The following PAG1 variants were observed in gnomAD, a reference collection of about 807,000 sequenced individuals.
The protein encoded by PAG1 is phosphoprotein associated with glycosphingolipid-enriched microdomains 1.
PAG1 carries 23 observed loss-of-function variants against 31.7 expected under a neutral mutation model. That is an observed-to-expected ratio of 0.73 (90% CI 0.52 to 1.03). The LOEUF is 1.03. Among genes scored for constraint, PAG1 ranks in the 50% least tolerant of loss-of-function variants. The probability of loss-of-function intolerance (pLI) is 0.00; values close to 1 mark genes in which losing one functional copy is unlikely to be tolerated. For synonymous variants in PAG1, 214 were observed against 210.3 expected, an observed-to-expected ratio of 1.02 and a Z score of -0.15; for missense variants, 473 against 540.7, an observed-to-expected ratio of 0.87 and a Z score of 1.24.
chr8:80,968,280 T>C lies in PAG1; in HGVS notation c.*8264A>G, dbSNP rs1807004246. 1 of 152,244 alleles carries C rather than the reference T, an allele frequency of 6.6e-6. No homozygotes were observed. 9.4% of individuals were successfully genotyped at this position (152,244 alleles called of 1,614,324 possible). On this transcript the variant is annotated 3_prime_UTR_variant, in exon 9 of 9. Coordinates refer to ENST00000220597, the MANE Select transcript of PAG1 (RefSeq NM_018440.4). ...TTCGTTTGTCCCCATAACATCTCTA[T>C]GAGGTAGGCAATGGTTAGTATCATT...
intron 3 of PAG1, among the ~76,000 whole-genome samples, chr8:81,001,074 C>T (rs1176504367): frequency 6.6e-6 from 1 of 152,238 alleles, no homozygotes; most frequent in African/African-American, 2.4e-5. Context: ...CAAATCTAAG[C>T]ATCCTATGAG....
intron 2 of PAG1, among the ~76,000 whole-genome samples, chr8:81,031,595 A>C (rs1320609392): frequency 2.0e-5 from 3 of 152,256 alleles, no homozygotes; most frequent in Non-Finnish European, 4.4e-5. Context: ...TGCAATTAAA[A>C]GGTAAAATTT....
At chr8:81,007,467 C>A (rs1415751146) in intron 3 of PAG1, among the ~76,000 whole-genome samples, 4 of 128,534 alleles carry the variant, frequency 3.1e-5, no homozygotes, top group South Asian at 2.6e-4. Context: ...TACAAAAATA[C>A]AAAAAAAAAA....
intron 1 of PAG1, among the ~76,000 whole-genome samples, chr8:81,109,414 G>C (rs1255639380): frequency 2.0e-5 from 3 of 152,170 alleles, no homozygotes; most frequent in Non-Finnish European, 4.4e-5. Context: ...TGATCTCACT[G>C]AGCTCCCATT....
intron 1 of PAG1, among the ~76,000 whole-genome samples, chr8:81,074,088 CT>C (rs1044910847): frequency 1.3e-5 from 2 of 152,188 alleles, no homozygotes; most frequent in African/African-American, 4.8e-5. Flanking sequence ...AGATTATTAG[CT>C]GAGAATGAGG....
Position 80,971,534 on chromosome 8 carries a change from C to T in PAG1, c.*5010G>A, listed in dbSNP as rs576254633. On this transcript the variant is annotated 3_prime_UTR_variant, in exon 9 of 9. Transcript: ENST00000220597. The stretch of plus-strand genomic sequence containing the variant: ...ACATCTGAGAAATGACAATTATCAA[C>T]CTTTGTAATACATGATTACGCAAGG... 4.6e-5 allele frequency: 7 copies of T among 152,254 alleles called. No homozygotes were observed. The highest frequency in any genetic ancestry group is 1.3e-4 in the Admixed American group (2 of 15,292). 9.4% of individuals were successfully genotyped at this position (152,254 alleles called of 1,614,324 possible). A position where few individuals can be genotyped will look rare whatever the true frequency, so the allele number is the denominator to read the frequency against.
chr8:81,073,198 T>G (rs1365583671), intron 1 of PAG1, among the ~76,000 whole-genome samples: 1 of 152,172 alleles, frequency 6.6e-6, no homozygotes. Context: ...TATATCTCTT[T>G]TCCTCAAACC....
chr8:80,988,057 A>G (rs1807462964), intron 5 of PAG1, among the ~76,000 whole-genome samples: 1 of 152,212 alleles, frequency 6.6e-6, no homozygotes, highest in Admixed American at 6.5e-5. Context: ...AGCACTGCAG[A>G]AAGTTCTATT....
intron 3 of PAG1, among the ~76,000 whole-genome samples, chr8:81,003,279 C>T (rs988807741): frequency 2.0e-5 from 3 of 152,114 alleles, no homozygotes; most frequent in African/African-American, 4.8e-5. Flanking sequence ...AAGTCTGGAG[C>T]GGGGCTCAAG....
chr8:81,065,942 T>C (rs1380104095), intron 2 of PAG1, among the ~76,000 whole-genome samples: 1 of 152,142 alleles, frequency 6.6e-6, no homozygotes, highest in African/African-American at 2.4e-5. Context: ...CAGAGAGCTG[T>C]TACATGTACT....
At position 80,993,210 on chromosome 8, in the gene PAG1, G is replaced by A; in HGVS notation, c.18C>T (p.Ser6=). 2 of 1,609,656 alleles carry A rather than the reference G, an allele frequency of 1.2e-6. No individual in the cohort carries two copies. ...TCTGCATCTGTCCGCTGCCCAGCAG[G>A]CTCCCCGCGGGCCCCATGGCAGGAG... MGPAG[S]LLGSGQMQIT... The change falls in exon 4 of 9, where the codon AGC becomes AGT. Residue 6 remains serine (S), a synonymous_variant. Transcript: ENST00000220597.
At chr8:81,083,791 T>C (rs949726262) in intron 1 of PAG1, among the ~76,000 whole-genome samples, 4 of 152,118 alleles carry the variant, frequency 2.6e-5, no homozygotes, top group Admixed American at 6.5e-5. Context: ...TCCCAGCACT[T>C]TGGGAGGCTG....
At chr8:80,988,607 T>C (rs1298577735) in intron 5 of PAG1, among the ~76,000 whole-genome samples, 1 of 152,098 alleles carries the variant, frequency 6.6e-6, no homozygotes, top group Non-Finnish European at 1.5e-5. Flanking sequence ...ACTACAGGTA[T>C]GCACCACTAT....
In PAG1 at chr8:80,973,431, C is replaced by T. The variant is rs1348768233; in HGVS notation, c.*3113G>A. The T allele has an allele frequency of 6.6e-6, 1 of 152,114 alleles. No individual in the cohort carries two copies. The highest frequency in any genetic ancestry group is 1.5e-5 in the Non-Finnish European group (1 of 68,010). The allele number at this position is 152,114 out of a possible 1,614,324, so 9.4% of individuals were successfully genotyped here. ...AGGTTACCCTTTCCTGCTGACTATA[C>T]TTAAGAAATACCAAAGTAGCATACA... On this transcript the variant is annotated 3_prime_UTR_variant, in exon 9 of 9. Transcript: ENST00000220597.
chr8:81,104,225 A>G (rs903066226), intron 1 of PAG1, among the ~76,000 whole-genome samples: 1 of 152,048 alleles, frequency 6.6e-6, no homozygotes, highest in African/African-American at 2.4e-5. Flanking sequence ...TTTTATTTCA[A>G]TTTCATTTCT....
intron 6 of PAG1, among the ~76,000 whole-genome samples, chr8:80,986,106 G>C (rs1326585549): frequency 6.6e-6 from 1 of 152,224 alleles, no homozygotes; most frequent in African/African-American, 2.4e-5. Flanking sequence ...CAATGAAACA[G>C]AAAGCCCTGC....
chr8:81,062,688 CT>C (rs34459652), intron 2 of PAG1, among the ~76,000 whole-genome samples: 1 of 151,354 alleles, frequency 6.6e-6, no homozygotes, highest in African/African-American at 2.4e-5. Context: ...CAACAGAAAT[CT>C]TTTTTTTTGT....
intron 2 of PAG1, among the ~76,000 whole-genome samples, chr8:81,056,392 A>T (rs1808823218): frequency 6.6e-6 from 1 of 152,176 alleles, no homozygotes; most frequent in South Asian, 2.1e-4. Flanking sequence ...ATGGAACAGA[A>T]CGGAGCCCTC....
Position 80,976,582 on chromosome 8 carries a change from T to A in PAG1, c.1261A>T (p.Ser421Cys), listed in dbSNP as rs767444906. 3 of 1,613,842 alleles carry A rather than the reference T, an allele frequency of 1.9e-6. No individual in the cohort carries two copies. Among genetic ancestry groups the A allele is most frequent in the Non-Finnish European group, 2.5e-6 (3 of 1,179,922 alleles). ...VPKENDYESI[S>C]DLQQGRDITR... Reference sequence around the variant, plus strand: ...ATATCTCTGCCTTGCTGCAAGTCACTTATGCTCTCGTAGTCGTTCTCCTTT... The same window carrying A: ...ATATCTCTGCCTTGCTGCAAGTCACATATGCTCTCGTAGTCGTTCTCCTTT... Residue 421 changes from serine to cysteine, a missense_variant, in exon 9 of 9, where the codon AGT (serine) becomes TGT (cysteine). Coordinates refer to ENST00000220597, the MANE Select transcript of PAG1 (RefSeq NM_018440.4).
Sources: gnomAD v4.1 joint callset for allele counts (sites outside exome capture counted in the v4.1 genomes callset) on GRCh38, gnomAD v4.1.1 for gene constraint, MANE v1.5 for transcripts, NCBI Gene and HGNC (gene_info 2026-07-23, HGNC 2026-07-21) for gene names.